EPB41L2: variants seen among roughly 807,000 people sequenced by gnomAD.
The protein encoded by EPB41L2 is band 4.1-like protein 2.
In EPB41L2, 43 loss-of-function variants were observed where a neutral mutation model predicts 113.0. The observed-to-expected ratio is 0.38, with a 90% CI of 0.30 to 0.49. The LOEUF is 0.49. Ranked by LOEUF, EPB41L2 falls within the 20% of genes least tolerant of loss-of-function variation. The pLI, the probability that EPB41L2 is intolerant of heterozygous loss-of-function variation, is 0.95. For missense variants in EPB41L2, 1,147 were observed against 1,223.4 expected (o/e 0.94, Z 0.93); for synonymous variants, 442 against 436.7 (o/e 1.01, Z -0.15).
intron 16 of EPB41L2, 128 bp from the exon 17 acceptor site, chr6:130,865,762 AC>A: frequency 1.1e-6 from 1 of 921,268 alleles, no homozygotes; most frequent in Non-Finnish European, 1.6e-6. Context: ...AGTAGTAATT[AC>A]CATCCAGGAG....
intron 1 of EPB41L2, among the ~76,000 whole-genome samples, chr6:130,995,581 G>T (rs1051466870): frequency 6.6e-6 from 1 of 152,216 alleles, no homozygotes; most frequent in African/African-American, 2.4e-5. Context: ...ACCTCCTGGG[G>T]CTGCGTCATG....
intron 14 of EPB41L2, chr6:130,870,418 TAC>T (rs1785263003): frequency 6.5e-7 from 1 of 1,548,892 alleles, no homozygotes; most frequent in Non-Finnish European, 8.7e-7. Flanking sequence ...ACAAAATCAA[TAC>T]AGTTTTACCT....
intron 1 of EPB41L2, among the ~76,000 whole-genome samples, chr6:130,964,859 C>T (rs1259765336): frequency 6.6e-6 from 1 of 152,106 alleles, no homozygotes; most frequent in Non-Finnish European, 1.5e-5. Context: ...TTGGTCAAAG[C>T]CATATAACCA....
chr6:130,971,251 T>C (rs1222780582), intron 1 of EPB41L2, among the ~76,000 whole-genome samples: 3 of 152,338 alleles, frequency 2.0e-5, no homozygotes, highest in African/African-American at 4.8e-5. Flanking sequence ...CTTTTGCAGT[T>C]TGAGGTGCGA....
intron 19 of EPB41L2, among the ~76,000 whole-genome samples, chr6:130,857,764 T>C (rs1780747678): frequency 6.6e-6 from 1 of 152,040 alleles, no homozygotes; most frequent in African/African-American, 2.4e-5. Context: ...TCAGCTCATC[T>C]CCCTCTTATC....
Position 131,012,205 on chromosome 6 carries a change from G to C in EPB41L2, c.-15+50950C>G, listed in dbSNP as rs943628791. Among the ~76,000 whole-genome samples the C allele has an allele frequency of 2.0e-5, 3 of 151,650 alleles. No homozygotes were observed. The East Asian group carries it at 5.8e-4, about 29-fold the overall frequency. On this transcript the variant is annotated intron_variant, in intron 1 of 19. Transcript: ENST00000337057. Reference sequence around the variant, plus strand: ...GGGCAACTGAGGGAGACTCTAGATGGGGGCGGGGGGAGCTTCCCTAGTTAC... The same window carrying C: ...GGGCAACTGAGGGAGACTCTAGATGCGGGCGGGGGGAGCTTCCCTAGTTAC...
chr6:130,870,141 A>G lies in EPB41L2; in HGVS notation c.2044-15T>C. 6.3e-7 allele frequency: 1 copy of G among 1,580,510 alleles called. No individual in the cohort carries two copies. The highest frequency in any genetic ancestry group is 8.6e-7 in the Non-Finnish European group (1 of 1,164,764). ...TCATGTGAACTCTGTACAAAAAAAG[A>G]TGGATGAGGGAAAACAAAAATATAT... is the stretch of plus-strand genomic sequence containing the variant. On this transcript the variant is annotated splice_polypyrimidine_tract_variant and intron_variant, in intron 14 of 19. Transcript: ENST00000337057.
chr6:131,006,267 G>T (rs1785491307), intron 1 of EPB41L2, among the ~76,000 whole-genome samples: 1 of 151,650 alleles, frequency 6.6e-6, no homozygotes, highest in South Asian at 2.1e-4. Flanking sequence ...AGGTTGGCCA[G>T]GCTGGTCTCG....
intron 14 of EPB41L2, among the ~76,000 whole-genome samples, chr6:130,871,619 T>C (rs1785713230): frequency 1.3e-5 from 2 of 152,188 alleles, no homozygotes; most frequent in Admixed American, 1.3e-4. Context: ...GCCCTATTAT[T>C]CTTAAACACA....
Position 130,931,604 on chromosome 6 carries a change from G to GTT in EPB41L2, c.706-4896_706-4895insAA, listed in dbSNP as rs1562517545. Among the ~76,000 whole-genome samples, 4 of 151,896 alleles carry GTT rather than the reference G, an allele frequency of 2.6e-5. No homozygotes were observed. The East Asian group carries it at 7.7e-4, about 29-fold the overall frequency. On this transcript the variant is annotated intron_variant, in intron 3 of 19. Coordinates refer to ENST00000337057, the MANE Select transcript of EPB41L2 (RefSeq NM_001431.4). The stretch of plus-strand genomic sequence containing the variant: ...ATGTTCAATCAAACTCGATTGGGTC[G>GTT]GCTCAGACAGCAACACCATCTAGTG...
intron 18 of EPB41L2, among the ~76,000 whole-genome samples, chr6:130,860,725 G>A (rs945466317): frequency 1.3e-5 from 2 of 151,532 alleles, no homozygotes; most frequent in East Asian, 3.9e-4. Context: ...TAGTAGAGAC[G>A]GGGTTTCATC....
chr6:130,998,876 CACTGAGAGAGGAAAGCAA>C (rs1783726681), intron 1 of EPB41L2, among the ~76,000 whole-genome samples: 1 of 152,108 alleles, frequency 6.6e-6, no homozygotes, highest in Admixed American at 6.5e-5. Context: ...TCAGTGACTC[CACTGAGAGAGGAAAGCAA>C]ACCCAGAAAG....
chr6:130,870,952 T>C lies in EPB41L2; in HGVS notation c.2044-826A>G, dbSNP rs554249970. Among the ~76,000 whole-genome samples, 96 of 152,282 alleles carry C rather than the reference T, an allele frequency of 6.3e-4. 1 individual carries two copies. In the South Asian group the frequency reaches 0.019, roughly 31 times the overall value. On this transcript the variant is annotated intron_variant, in intron 14 of 19. Transcript: ENST00000337057. ...TCATAGGTTGGCAAAGGCTATATTA[T>C]ACAATAGGGTGGGTGTCAATGGTGA...
At chr6:130,949,107 T>C (rs936241259) in intron 3 of EPB41L2, among the ~76,000 whole-genome samples, 3 of 152,144 alleles carry the variant, frequency 2.0e-5, no homozygotes, top group Non-Finnish European at 2.9e-5. Context: ...CTTATAAAAA[T>C]TGACTATATA....
chr6:130,985,429 G>A (rs1780321418), intron 1 of EPB41L2, among the ~76,000 whole-genome samples: 1 of 152,056 alleles, frequency 6.6e-6, no homozygotes, highest in South Asian at 2.1e-4. Context: ...TTCTTCTTGG[G>A]TGCGCGACAA....
At chr6:131,046,531 T>C (rs1240331425) in intron 1 of EPB41L2, among the ~76,000 whole-genome samples, 3 of 152,168 alleles carry the variant, frequency 2.0e-5, no homozygotes, top group Admixed American at 2.0e-4. Context: ...AAGTCTATAC[T>C]CAGCAGTACT....
At chr6:131,025,838 A>G (rs554924608) in intron 1 of EPB41L2, among the ~76,000 whole-genome samples, 1 of 152,328 alleles carries the variant, frequency 6.6e-6, no homozygotes, top group African/African-American at 2.4e-5. Context: ...CTTCCCTGCC[A>G]GCAATCTTGG....
chr6:130,937,145 C>A (rs1348972166), intron 3 of EPB41L2, among the ~76,000 whole-genome samples: 1 of 152,216 alleles, frequency 6.6e-6, no homozygotes, highest in Non-Finnish European at 1.5e-5. Flanking sequence ...GTCGTTATCA[C>A]CCAAAGTCCA....
At chr6:130,934,045 G>A (rs1807891503) in intron 3 of EPB41L2, among the ~76,000 whole-genome samples, 1 of 152,122 alleles carries the variant, frequency 6.6e-6, no homozygotes, top group Non-Finnish European at 1.5e-5. Context: ...AAATATAAAA[G>A]GCCAAGGAAA....
Sources: gnomAD v4.1 joint callset for allele counts (sites outside exome capture counted in the v4.1 genomes callset) on GRCh38, gnomAD v4.1.1 for gene constraint, MANE v1.5 for transcripts, NCBI Gene and HGNC (gene_info 2026-07-23, HGNC 2026-07-21) for gene names.